Variants in PPM1H observed in about 807,000 individuals in gnomAD.
The protein encoded by PPM1H is protein phosphatase 1H.
Under a neutral mutation model 54.9 loss-of-function variants are expected in PPM1H, and 27 were observed. That is an observed-to-expected ratio of 0.49 (90% CI 0.36 to 0.68). PPM1H has a LOEUF of 0.68. PPM1H is among the 30% of genes least tolerant of loss of function. PPM1H has a pLI of 0.00. For synonymous variants in PPM1H, 305 were observed against 270.8 expected, an observed-to-expected ratio of 1.13 and a Z score of -1.24; for missense variants, 596 against 667.8, an observed-to-expected ratio of 0.89 and a Z score of 1.19.
chr12:62,695,067 G>T (rs2076106468), intron 6 of PPM1H, among the ~76,000 whole-genome samples: 1 of 152,122 alleles, frequency 6.6e-6, no homozygotes, highest in Non-Finnish European at 1.5e-5. Context: ...TTATTAAATG[G>T]CCTGCCATTC....
intron 4 of PPM1H, among the ~76,000 whole-genome samples, chr12:62,766,343 A>C (rs577546999): frequency 6.6e-6 from 1 of 152,274 alleles, no homozygotes; most frequent in Non-Finnish European, 1.5e-5. Context: ...TGAAAGGGTG[A>C]TTACATAAAC....
rs56983867 is a variant in PPM1H at position 62,795,557 on chromosome 12, C to T, written c.756+6259G>A. Among the ~76,000 whole-genome samples, 546 of 152,124 alleles carry T rather than the reference C, an allele frequency of 3.6e-3. 6 individuals carry two copies. The highest frequency in any genetic ancestry group is 0.012 in the African/African-American group (501 of 41,502). ...CGCCTCCCGGGTTCACACCATTCTC[C>T]TGCCTCAGGCTCCCGAGTAGCTGGG... On this transcript the variant is annotated intron_variant, in intron 3 of 9. Transcript: ENST00000228705.
intron 6 of PPM1H, among the ~76,000 whole-genome samples, chr12:62,710,680 C>G (rs1479769869): frequency 2.0e-5 from 3 of 152,194 alleles, no homozygotes; most frequent in Non-Finnish European, 2.9e-5. Context: ...TGTGTCAAAC[C>G]CATCTTCATC....
intron 7 of PPM1H, among the ~76,000 whole-genome samples, chr12:62,690,678 A>C (rs1356628932): frequency 1.3e-5 from 2 of 152,192 alleles, no homozygotes; most frequent in Admixed American, 6.5e-5. Context: ...TCCCTACTAC[A>C]AAGAAACTTG....
At chr12:62,700,294 C>T (rs1023766245) in intron 6 of PPM1H, among the ~76,000 whole-genome samples, 5 of 152,138 alleles carry the variant, frequency 3.3e-5, no homozygotes, top group Admixed American at 2.6e-4. Flanking sequence ...GAACACCCCC[C>T]ACCTCTGAGA....
chr12:62,772,408 C>T (rs2076584483), intron 4 of PPM1H, among the ~76,000 whole-genome samples: 1 of 152,208 alleles, frequency 6.6e-6, no homozygotes, highest in Admixed American at 6.5e-5. Flanking sequence ...TAGAGAGCTA[C>T]TGTGCACTTT....
chr12:62,740,673 G>A (rs1249480465), intron 4 of PPM1H, among the ~76,000 whole-genome samples: 4 of 152,144 alleles, frequency 2.6e-5, no homozygotes, highest in African/African-American at 4.8e-5. Context: ...TGTCTTGATC[G>A]ACACTGCAGC....
At chr12:62,709,220 G>A (rs1348854671) in intron 6 of PPM1H, among the ~76,000 whole-genome samples, 1 of 152,218 alleles carries the variant, frequency 6.6e-6, no homozygotes, top group African/African-American at 2.4e-5. Context: ...ACATTGAAAC[G>A]TTCCATGCTA....
intron 9 of PPM1H, among the ~76,000 whole-genome samples, chr12:62,662,056 C>A (rs1190192732): frequency 6.6e-6 from 1 of 152,120 alleles, no homozygotes; most frequent in African/African-American, 2.4e-5. Context: ...CCTTGTGAAC[C>A]CTGCCTCCGT....
chr12:62,933,447 G>C (rs995544705), intron 1 of PPM1H, among the ~76,000 whole-genome samples: 4 of 152,136 alleles, frequency 2.6e-5, no homozygotes, highest in African/African-American at 9.7e-5. Flanking sequence ...AACCAGCGAG[G>C]CCGTGCACGG....
chr12:62,696,840 G>A (rs1047517544), intron 6 of PPM1H, among the ~76,000 whole-genome samples: 6 of 152,076 alleles, frequency 3.9e-5, no homozygotes, highest in Admixed American at 6.5e-5. Context: ...CCTTAAAACC[G>A]GACTTGGACT....
intron 2 of PPM1H, among the ~76,000 whole-genome samples, chr12:62,814,409 G>A: frequency 6.6e-6 from 1 of 151,794 alleles, no homozygotes; most frequent in Non-Finnish European, 1.5e-5. Context: ...TGTAGAGAGG[G>A]TCTTGCTATG....
chr12:62,680,432 C>T (rs188189764), intron 8 of PPM1H, among the ~76,000 whole-genome samples: 1 of 152,202 alleles, frequency 6.6e-6, no homozygotes, highest in East Asian at 1.9e-4. Flanking sequence ...ATCCTCCTAC[C>T]TTAGCCTCCA....
intron 1 of PPM1H, among the ~76,000 whole-genome samples, chr12:62,835,237 G>A (rs148616257): frequency 4.5e-4 from 69 of 152,198 alleles, no homozygotes; most frequent in Admixed American, 3.9e-3. Context: ...AACGTGCTTC[G>A]TCTCCTGTCT....
intron 8 of PPM1H, among the ~76,000 whole-genome samples, chr12:62,672,253 G>A (rs1019277363): frequency 6.6e-6 from 1 of 152,166 alleles, no homozygotes; most frequent in Non-Finnish European, 1.5e-5. Context: ...TTGCTTTTGC[G>A]AGAGCAACCA....
At chr12:62,849,557 C>A (rs554101107) in intron 1 of PPM1H, among the ~76,000 whole-genome samples, 1 of 152,124 alleles carries the variant, frequency 6.6e-6, no homozygotes, top group African/African-American at 2.4e-5. Context: ...ACCAAGGGTC[C>A]ACTAGTATCA....
intron 1 of PPM1H, among the ~76,000 whole-genome samples, chr12:62,904,459 C>T (rs1041255919): frequency 7.9e-5 from 12 of 152,102 alleles, no homozygotes; most frequent in East Asian, 3.8e-4. Flanking sequence ...AGGCTGACCT[C>T]GAACTCCCTG....
intron 1 of PPM1H, among the ~76,000 whole-genome samples, chr12:62,918,202 T>G (rs1231290467): frequency 6.6e-6 from 1 of 152,092 alleles, no homozygotes. Flanking sequence ...GAGCCAAGAC[T>G]ACCTCAAGCT....
chr12:62,661,352 T>A (rs980975720), intron 9 of PPM1H, among the ~76,000 whole-genome samples: 11 of 152,128 alleles, frequency 7.2e-5, no homozygotes, highest in Non-Finnish European at 1.6e-4. Context: ...AATGAACAAA[T>A]CAGAATGGGA....
Sources: gnomAD v4.1 joint callset for allele counts (sites outside exome capture counted in the v4.1 genomes callset) on GRCh38, gnomAD v4.1.1 for gene constraint, MANE v1.5 for transcripts, NCBI Gene and HGNC (gene_info 2026-07-23, HGNC 2026-07-21) for gene names.